ZNF37A: variants seen among roughly 807,000 people sequenced by gnomAD.
ZNF37A encodes zinc finger protein 37a (KOX 21).
ZNF37A carries 10 observed loss-of-function variants against 12.3 expected under a neutral mutation model. That is an observed-to-expected ratio of 0.82 (90% CI 0.50 to 1.38). ZNF37A has a LOEUF of 1.38. Among genes scored for constraint, ZNF37A ranks in the 40% most tolerant of loss-of-function variants. The pLI is 0.00. For synonymous variants in ZNF37A, 207 were observed against 223.0 expected (o/e 0.93, Z 0.64); for missense variants, 580 against 651.2 (o/e 0.89, Z 1.19).
Position 38,096,595 on chromosome 10 carries a change from T to C in ZNF37A, c.-23T>C, listed in dbSNP as rs1402918141. The C allele has an allele frequency of 6.2e-7, 1 of 1,611,556 alleles. No individual in the cohort carries two copies. The highest frequency in any genetic ancestry group is 2.2e-5 in the East Asian group (1 of 44,826). Reference sequence around the variant, plus strand: ...TCAGCTACACCCTCACAGTTTGCTCTGCTCTTCCAACACCAGTGGAAGATG... The same window carrying C: ...TCAGCTACACCCTCACAGTTTGCTCCGCTCTTCCAACACCAGTGGAAGATG... On this transcript the variant is annotated 5_prime_UTR_variant, in exon 5 of 8. Coordinates refer to ENST00000685332, the MANE Select transcript of ZNF37A (RefSeq NM_001324250.3).
Position 38,119,320 on chromosome 10 carries a change from T to C in ZNF37A, c.*483T>C. On this transcript the variant is annotated 3_prime_UTR_variant, in exon 8 of 8. Transcript: ENST00000685332. ...ACAGAAACCCTATGGGTGTAATGAA[T>C]GTGGAAAATCATTCTGTGTGAAGTC... The C allele has an allele frequency of 9.8e-7, 1 of 1,024,766 alleles. No homozygotes were observed. Among genetic ancestry groups the C allele is most frequent in the Non-Finnish European group, 1.2e-6 (1 of 844,022 alleles). 63.5% of individuals were successfully genotyped at this position (1,024,766 alleles called of 1,614,324 possible).
chr10:38,106,886 T>C (rs1471216420), intron 5 of ZNF37A, among the ~76,000 whole-genome samples: 18 of 152,154 alleles, frequency 1.2e-4, no homozygotes, highest in Admixed American at 5.9e-4. Context: ...TTGATTGGTG[T>C]ACCTGAAAGT....
At chr10:38,099,415 T>G (rs571484301) in intron 5 of ZNF37A, among the ~76,000 whole-genome samples, 14 of 152,352 alleles carry the variant, frequency 9.2e-5, no homozygotes, top group African/African-American at 3.1e-4. Context: ...TCACCTAGCA[T>G]AATGTCCTCA....
At chr10:38,128,361 T>G (rs376210736), downstream of ZNF37A, among the ~76,000 whole-genome samples, 1 of 152,020 alleles carries the variant, frequency 6.6e-6, no homozygotes, top group East Asian at 1.9e-4. Context: ...GTGGGAGAAA[T>G]TAAGTAATTG....
chr10:38,116,664 C>T (rs1439023281), intron 7 of ZNF37A, among the ~76,000 whole-genome samples: 1 of 152,122 alleles, frequency 6.6e-6, no homozygotes, highest in African/African-American at 2.4e-5. Context: ...GGACATTGGA[C>T]TCAGTATAGT....
intron 5 of ZNF37A, 69 bp from the exon 6 acceptor site, chr10:38,114,686 C>T (rs1345567545): frequency 6.3e-7 from 1 of 1,598,020 alleles, no homozygotes; most frequent in Admixed American, 1.7e-5. Flanking sequence ...AAGAATTAGT[C>T]CCTAAACATC....
exon 8 of ZNF37A, chr10:38,148,860 T>C (rs1182878725): frequency 6.6e-6 from 1 of 150,926 alleles, no homozygotes; most frequent in African/African-American, 2.5e-5. Context: ...TTTTTTTAAA[T>C]GGAGTCTTGC....
intron 5 of ZNF37A, among the ~76,000 whole-genome samples, chr10:38,105,076 G>C (rs992125551): frequency 6.6e-6 from 1 of 150,384 alleles, no homozygotes; most frequent in Non-Finnish European, 1.5e-5. Flanking sequence ...CATGATCTCA[G>C]CTCACCGCAA....
chr10:38,117,194 T>C (rs1302341485), intron 7 of ZNF37A, 196 bp from the exon 8 acceptor site: 2 of 984,930 alleles, frequency 2.0e-6, no homozygotes, highest in Admixed American at 1.2e-4. Flanking sequence ...GACTATGAAT[T>C]AGAACTTTTA....
intron 7 of ZNF37A, among the ~76,000 whole-genome samples, chr10:38,116,193 A>T (rs538764911): frequency 1.1e-4 from 17 of 152,332 alleles, no homozygotes; most frequent in African/African-American, 4.1e-4. Flanking sequence ...ATTATTTGTT[A>T]AGTACCATTG....
chr10:38,148,257 A>T (rs765542235), exon 8 of ZNF37A: 16 of 152,276 alleles, frequency 1.1e-4, no homozygotes, highest in Non-Finnish European at 1.9e-4. Flanking sequence ...CCAAATTTAC[A>T]GAATTAGGTG....
At chr10:38,134,092 G>A (rs915844939) in intron 7 of ZNF37A, among the ~76,000 whole-genome samples, 1 of 152,090 alleles carries the variant, frequency 6.6e-6, no homozygotes, top group Non-Finnish European at 1.5e-5. Flanking sequence ...ACTGAAGCTT[G>A]TGCATGCATC....
chr10:38,097,910 C>T (rs1416770719), intron 5 of ZNF37A, among the ~76,000 whole-genome samples: 1 of 152,178 alleles, frequency 6.6e-6, no homozygotes, highest in African/African-American at 2.4e-5. Flanking sequence ...ATATTTTCAT[C>T]ACACCAAAAG....
intron 7 of ZNF37A, chr10:38,143,795 G>C (rs1310590948): frequency 6.6e-6 from 1 of 152,084 alleles, no homozygotes; most frequent in Non-Finnish European, 1.5e-5. Context: ...CAGTTTGTCT[G>C]ATGGGAGGAA....
intron 5 of ZNF37A, among the ~76,000 whole-genome samples, chr10:38,103,555 T>C (rs1214471372): frequency 6.6e-6 from 1 of 152,058 alleles, no homozygotes; most frequent in Non-Finnish European, 1.5e-5. Flanking sequence ...TGAGTACAGG[T>C]TTTATTTCTT....
At chr10:38,115,550 T>G in intron 7 of ZNF37A, 1 of 307,708 alleles carries the variant, frequency 3.2e-6, no homozygotes, top group Non-Finnish European at 6.0e-6. Flanking sequence ...TTAATAAAAT[T>G]TTATATATAT....
At chr10:38,140,179 T>C (rs1391726619) in intron 7 of ZNF37A, 1 of 152,242 alleles carries the variant, frequency 6.6e-6, no homozygotes, top group Non-Finnish European at 1.5e-5. Flanking sequence ...CACTGATCTT[T>C]ATTCTTTGCT....
chr10:38,112,736 T>TCGGTCTCGGTCTCGGTCTCGGTCTCGG (rs1564931750), intron 5 of ZNF37A, among the ~76,000 whole-genome samples: 1 of 17,108 alleles, frequency 5.8e-5, no homozygotes, highest in African/African-American at 2.4e-4. Flanking sequence ...ATCCATTTTC[T>TCGGTCTCGGTCTCGGTCTCGGTCTCGG]TTTCTTTTCT....
downstream of ZNF37A, among the ~76,000 whole-genome samples, chr10:38,128,369 T>A (rs2069959369): frequency 6.6e-6 from 1 of 152,114 alleles, no homozygotes; most frequent in Non-Finnish European, 1.5e-5. Flanking sequence ...AATTAAGTAA[T>A]TGCACACATC....
Sources: gnomAD v4.1 joint callset for allele counts (sites outside exome capture counted in the v4.1 genomes callset) on GRCh38, gnomAD v4.1.1 for gene constraint, MANE v1.5 for transcripts, NCBI Gene and HGNC (gene_info 2026-07-23, HGNC 2026-07-21) for gene names.